The following GPC5 variants were observed in gnomAD, a reference collection of about 807,000 sequenced individuals.
The protein encoded by GPC5 is glypican 5.
Under a neutral mutation model 53.9 loss-of-function variants are expected in GPC5, and 47 were observed. The ratio of observed to expected loss-of-function variants is 0.87; its 90% CI spans 0.69 to 1.11. GPC5 has a LOEUF of 1.11. Among genes scored for constraint, GPC5 ranks in the 50% most tolerant of loss-of-function variants. The probability of loss-of-function intolerance (pLI) is 0.00; values close to 1 mark genes in which losing one functional copy is unlikely to be tolerated. For synonymous variants in GPC5, 286 were observed against 263.3 expected, an observed-to-expected ratio of 1.09 and a Z score of -0.84; for missense variants, 748 against 713.1, an observed-to-expected ratio of 1.05 and a Z score of -0.56.
chr13:92,553,497 T>A (rs535251300), intron 7 of GPC5, among the ~76,000 whole-genome samples: 1 of 152,072 alleles, frequency 6.6e-6, no homozygotes, highest in African/African-American at 2.4e-5. Context: ...CTATACAAAA[T>A]GTAAGCTTTC....
intron 7 of GPC5, among the ~76,000 whole-genome samples, chr13:92,484,859 C>CTGGGACTATAGGTGCGTGCCTCCT (rs1879496183): frequency 6.6e-6 from 1 of 151,786 alleles, no homozygotes; most frequent in Admixed American, 6.6e-5. Context: ...CTCAGCCTCC[C>CTGGGACTATAGGTGCGTGCCTCCT]GAGTAGCTGG....
At chr13:92,648,880 A>G (rs945418068) in intron 7 of GPC5, among the ~76,000 whole-genome samples, 2 of 152,074 alleles carry the variant, frequency 1.3e-5, no homozygotes, top group African/African-American at 4.8e-5. Context: ...CTTTCCTTTA[A>G]CAGCATTACA....
chr13:91,424,987 G>A (rs1448374116), intron 1 of GPC5, among the ~76,000 whole-genome samples: 3 of 152,196 alleles, frequency 2.0e-5, no homozygotes, highest in Non-Finnish European at 4.4e-5. Flanking sequence ...AATCTGGGGT[G>A]TAATGAAGGC....
intron 7 of GPC5, among the ~76,000 whole-genome samples, chr13:92,439,577 A>G (rs1034903721): frequency 6.6e-6 from 1 of 152,180 alleles, no homozygotes; most frequent in African/African-American, 2.4e-5. Context: ...TGTGGGTACC[A>G]GAGAGCAGAG....
In GPC5 at chr13:91,693,824, G is replaced by GC; in HGVS notation, c.964dup (p.Leu322ProfsTer3). The stretch of plus-strand genomic sequence containing the variant: ...GACACGTGCTGCTGAACTTTCACTT[G>GC]CTTGTTAATGATGCTGTGTTACAGG... On this transcript the variant is annotated frameshift_variant, in exon 3 of 8. Coordinates refer to ENST00000377067, the MANE Select transcript of GPC5 (RefSeq NM_004466.6). LOFTEE classifies it high-confidence loss of function. 1 of 1,612,312 alleles carries GC rather than the reference G, an allele frequency of 6.2e-7. No individual in the cohort carries two copies. The highest frequency in any genetic ancestry group is 1.1e-5 in the South Asian group (1 of 91,048).
chr13:92,159,485 A>G (rs1434669441), intron 7 of GPC5, among the ~76,000 whole-genome samples: 1 of 151,228 alleles, frequency 6.6e-6, no homozygotes, highest in African/African-American at 2.4e-5. Flanking sequence ...CCCGTTGTCC[A>G]TTTGAGAAGC....
chr13:91,730,674 CT>C (rs1472924028), intron 4 of GPC5, among the ~76,000 whole-genome samples: 2 of 152,308 alleles, frequency 1.3e-5, no homozygotes, highest in Non-Finnish European at 2.9e-5. Flanking sequence ...ATCAGAGCAC[CT>C]TGCAAATGAG....
At chr13:92,151,771 G>A (rs1023945262) in intron 7 of GPC5, among the ~76,000 whole-genome samples, 7 of 152,138 alleles carry the variant, frequency 4.6e-5, no homozygotes, top group African/African-American at 1.7e-4. Context: ...AAGAAATACT[G>A]TGCACAATCC....
intron 2 of GPC5, chr13:91,486,649 G>A (rs576056727): frequency 5.1e-4 from 77 of 152,262 alleles, no homozygotes; most frequent in African/African-American, 1.8e-3. Context: ...GATAAACCTT[G>A]CTCAATTAAG....
At chr13:91,919,392 A>G (rs957175885) in intron 6 of GPC5, among the ~76,000 whole-genome samples, 15 of 152,208 alleles carry the variant, frequency 9.9e-5, no homozygotes, top group Non-Finnish European at 2.2e-4. Context: ...GCCAAAGTAA[A>G]GTCACTAGTT....
intron 7 of GPC5, among the ~76,000 whole-genome samples, chr13:92,654,778 G>A (rs958067473): frequency 6.6e-6 from 1 of 150,684 alleles, no homozygotes; most frequent in Non-Finnish European, 1.5e-5. Flanking sequence ...AGAAGTAAAT[G>A]TATCCCCCCA....
At position 91,412,222 on chromosome 13, in the gene GPC5, C is replaced by A. The variant is rs563538531; in HGVS notation, c.163+13013C>A. Among the ~76,000 whole-genome samples the A allele has an allele frequency of 1.4e-3, 219 of 152,340 alleles. 1 individual carries two copies. Among genetic ancestry groups the A allele is most frequent in the African/African-American group, 4.4e-3 (181 of 41,582 alleles). ...ATTCTCTGCCTATCACCATTGCTAC[C>A]ACCTTGTTTTAACCCAGTGCCTTTT... On this transcript the variant is annotated intron_variant, in intron 1 of 7. Transcript: ENST00000377067.
intron 7 of GPC5, among the ~76,000 whole-genome samples, chr13:92,518,112 G>T (rs1490509459): frequency 1.3e-5 from 2 of 152,112 alleles, no homozygotes; most frequent in African/African-American, 4.8e-5. Context: ...AAGCCTCCAA[G>T]AAATATAGGA....
chr13:92,161,956 CATATATATATAT>C (rs55867004), intron 7 of GPC5, among the ~76,000 whole-genome samples: 29,660 of 96,088 alleles, frequency 0.31, 4,349 homozygotes, highest in East Asian at 0.53. Flanking sequence ...AATATATAGC[CATATATATATAT>C]ATATATATAT....
intron 5 of GPC5, among the ~76,000 whole-genome samples, chr13:91,793,535 C>G (rs539623574): frequency 1.4e-3 from 210 of 152,234 alleles, no homozygotes; most frequent in African/African-American, 4.9e-3. Flanking sequence ...TGAGGGGTTC[C>G]AGAGTCTGTT....
chr13:92,633,675 A>G (rs979006241), intron 7 of GPC5, among the ~76,000 whole-genome samples: 8 of 151,976 alleles, frequency 5.3e-5, no homozygotes, highest in East Asian at 1.9e-4. Flanking sequence ...CTTCAATCCA[A>G]ATTTATCAAT....
intron 2 of GPC5, among the ~76,000 whole-genome samples, chr13:91,634,290 A>G (rs1403231962): frequency 6.6e-6 from 1 of 152,126 alleles, no homozygotes; most frequent in African/African-American, 2.4e-5. Flanking sequence ...TACAGAATCA[A>G]GATTTCGAAT....
chr13:92,640,647 A>G (rs552088647), intron 7 of GPC5, among the ~76,000 whole-genome samples: 1 of 152,176 alleles, frequency 6.6e-6, no homozygotes, highest in Non-Finnish European at 1.5e-5. Context: ...CAAAGAAGGT[A>G]CATGATGAAT....
chr13:91,879,392 T>C (rs374667299), intron 5 of GPC5, among the ~76,000 whole-genome samples: 4 of 152,314 alleles, frequency 2.6e-5, no homozygotes, highest in African/African-American at 9.6e-5. Context: ...ATATCTGGAA[T>C]TGGGCTGCTG....
Sources: allele counts gnomAD v4.1 joint callset (sites outside exome capture counted in the v4.1 genomes callset), GRCh38; gene constraint gnomAD v4.1.1; transcripts MANE v1.5; gene names NCBI Gene and HGNC (gene_info 2026-07-23, HGNC 2026-07-21).